ARHGAP23: variants seen among roughly 807,000 people sequenced by gnomAD.
The protein encoded by ARHGAP23 is rho GTPase-activating protein 23.
A neutral mutation model predicts 136.3 loss-of-function variants in ARHGAP23; 34 were observed. The observed-to-expected ratio is 0.25, with a 90% CI of 0.19 to 0.33. ARHGAP23 has a LOEUF of 0.33. Among genes scored for constraint, ARHGAP23 ranks in the 10% least tolerant of loss-of-function variants. The pLI is 1.00. For synonymous variants in ARHGAP23, 832 were observed against 920.5 expected, an observed-to-expected ratio of 0.90 and a Z score of 1.74; for missense variants, 1,808 against 2,139.0, an observed-to-expected ratio of 0.85 and a Z score of 3.05.
chr17:38,423,423 G>C (rs1245678655), intron 1 of ARHGAP23, among the ~76,000 whole-genome samples: 1 of 151,726 alleles, frequency 6.6e-6, no homozygotes, highest in Non-Finnish European at 1.5e-5. Context: ...CCAGGCAAGA[G>C]TGCAGTGGCA....
intron 1 of ARHGAP23, among the ~76,000 whole-genome samples, chr17:38,423,174 G>A (rs6416915): frequency 0.058 from 8,833 of 151,988 alleles, 301 homozygotes; most frequent in Middle Eastern, 0.22. Context: ...ACAGCAGTTT[G>A]CATGTACTAG....
At chr17:38,422,128 G>A (rs74631998) in intron 1 of ARHGAP23, among the ~76,000 whole-genome samples, 4,022 of 152,296 alleles carry the variant, frequency 0.026, 170 homozygotes, top group African/African-American at 0.091. Flanking sequence ...GGGATCATTC[G>A]ATAGAAAGAG....
chr17:38,480,439 C>T (rs1336819834), intron 14 of ARHGAP23, among the ~76,000 whole-genome samples: 1 of 152,146 alleles, frequency 6.6e-6, no homozygotes, highest in Non-Finnish European at 1.5e-5. Context: ...CGAGACCATC[C>T]TGGCTAACAC....
chr17:38,447,240 G>A (rs1439337591), intron 1 of ARHGAP23, among the ~76,000 whole-genome samples: 1 of 151,988 alleles, frequency 6.6e-6, no homozygotes, highest in African/African-American at 2.4e-5. Flanking sequence ...TCAGGAGTTC[G>A]AGATTAGCCT....
intron 1 of ARHGAP23, among the ~76,000 whole-genome samples, chr17:38,421,459 A>G (rs543838713): frequency 4.6e-5 from 7 of 152,276 alleles, no homozygotes; most frequent in African/African-American, 1.7e-4. Flanking sequence ...CGTGGTGTGT[A>G]TGGAGTGCGT....
chr17:38,467,036 G>C lies in ARHGAP23; in HGVS notation c.1353G>C (p.Leu451=), dbSNP rs1019752467. Residue 451 remains leucine (L), a synonymous_variant, in exon 7 of 24, where the codon CTG becomes CTC. Transcript: ENST00000622683. ...SPFGGLPTFN[L]AQSPASFPPE... ...TTGGGGGGCTGCCTACCTTCAACCT[G>C]GCCCAGTCCCCTGCGTCATTCCCAC... 2 of 1,550,890 alleles carry C rather than the reference G, an allele frequency of 1.3e-6. No homozygotes were observed. The highest frequency in any genetic ancestry group is 8.7e-7 in the Non-Finnish European group (1 of 1,146,964).
intron 23 of ARHGAP23, among the ~76,000 whole-genome samples, chr17:38,502,071 G>C (rs1412033986): frequency 6.6e-6 from 1 of 152,130 alleles, no homozygotes; most frequent in East Asian, 1.9e-4. Context: ...CACTTTGGGA[G>C]GCTGAGGTCG....
Position 38,466,611 on chromosome 17 carries a change from C to A in ARHGAP23, c.928C>A (p.Pro310Thr). Reference sequence around the variant, plus strand: ...GGAGAGACGGTGCCCAGCCATGGCCCCCCGGGCCCGCAGCGCCTCCCAGGA... The same window carrying A: ...GGAGAGACGGTGCCCAGCCATGGCCACCCGGGCCCGCAGCGCCTCCCAGGA... ...AGERRCPAMA[P>T]RARSASQDRL... The change falls in exon 7 of 24, where the codon CCC (proline) becomes ACC (threonine). Residue 310 changes from proline (P) to threonine (T), a missense_variant. Transcript: ENST00000622683. 6.6e-7 allele frequency: 1 copy of A among 1,513,374 alleles called. No individual in the cohort carries two copies. Among genetic ancestry groups the A allele is most frequent in the Non-Finnish European group, 8.8e-7 (1 of 1,135,854 alleles). 93.7% of individuals were successfully genotyped at this position (1,513,374 alleles called of 1,614,324 possible).
At chr17:38,464,089 C>T (rs535264139) in intron 6 of ARHGAP23, among the ~76,000 whole-genome samples, 30 of 152,294 alleles carry the variant, frequency 2.0e-4, no homozygotes, top group African/African-American at 3.9e-4. Context: ...ACACCCACGC[C>T]GCACTATCAC....
chr17:38,458,412 G>C (rs1418551573), intron 2 of ARHGAP23, 149 bp downstream of exon 2: 3 of 1,160,712 alleles, frequency 2.6e-6, no homozygotes, highest in Non-Finnish European at 3.5e-6. Flanking sequence ...CTGTGGCCTG[G>C]GGAGGAGGAC....
At chr17:38,507,385 A>G (rs2040658455) in intron 23 of ARHGAP23, among the ~76,000 whole-genome samples, 1 of 151,898 alleles carries the variant, frequency 6.6e-6, no homozygotes, top group South Asian at 2.1e-4. Flanking sequence ...GGTGACAGAG[A>G]CCTCCATCAT....
intron 3 of ARHGAP23, among the ~76,000 whole-genome samples, chr17:38,461,665 CG>C (rs2039463693): frequency 2.0e-5 from 3 of 151,672 alleles, no homozygotes; most frequent in Non-Finnish European, 2.9e-5. Flanking sequence ...GGGTGCAATG[CG>C]ATTTGTGCCC....
intron 1 of ARHGAP23, among the ~76,000 whole-genome samples, chr17:38,428,944 C>T (rs1410587040): frequency 6.7e-6 from 1 of 149,050 alleles, no homozygotes; most frequent in African/African-American, 2.5e-5. Context: ...TTTCCGTTGG[C>T]GAGGCCCCGG....
rs893406216 is a variant in ARHGAP23 at position 38,510,225 on chromosome 17, G to C, written c.3729G>C (p.Thr1243=). 13 of 1,377,932 alleles carry C rather than the reference G, an allele frequency of 9.4e-6. No homozygotes were observed. The African/African-American group carries it at 1.9e-4, about 21-fold the overall frequency. The allele number at this position is 1,377,932 out of a possible 1,614,324, so 85.4% of individuals were successfully genotyped here. Residue 1243 remains threonine, a synonymous_variant, in exon 24 of 24, where the codon ACG becomes ACC. Transcript: ENST00000622683. The surrounding 1 kb of genome is among the most constrained non-coding windows in gnomAD (Gnocchi z 4.6). ...AAPEERPAAD[T]RSIVSGYSTL... ...CGGAGGAGCGGCCGGCCGCGGACACGCGCTCCATTGTGTCGGGCTACTCCA... is the reference window on the plus strand; with the variant it reads ...CGGAGGAGCGGCCGGCCGCGGACACCCGCTCCATTGTGTCGGGCTACTCCA...
chr17:38,470,950 T>G (rs1333551260), intron 10 of ARHGAP23, among the ~76,000 whole-genome samples: 13 of 151,086 alleles, frequency 8.6e-5, no homozygotes, highest in Admixed American at 7.2e-4. Context: ...ATGCATGATT[T>G]TTCTTTCTTT....
At chr17:38,449,263 C>T (rs553540537) in intron 1 of ARHGAP23, among the ~76,000 whole-genome samples, 1 of 152,316 alleles carries the variant, frequency 6.6e-6, no homozygotes, top group South Asian at 2.1e-4. Context: ...GAGCACAGTC[C>T]ATCCTAACCC....
At chr17:38,504,515 C>T (rs1261194473) in intron 23 of ARHGAP23, among the ~76,000 whole-genome samples, 1 of 152,220 alleles carries the variant, frequency 6.6e-6, no homozygotes, top group Non-Finnish European at 1.5e-5. Context: ...CGGACATTCA[C>T]GACTGCCAGC....
intron 7 of ARHGAP23, among the ~76,000 whole-genome samples, chr17:38,467,800 T>C (rs1323205293): frequency 3.9e-5 from 6 of 152,246 alleles, no homozygotes; most frequent in Admixed American, 3.9e-4. Context: ...CATCTTTCTT[T>C]CCTTTGACTC....
chr17:38,428,254 C>T (rs2038598977), upstream of ARHGAP23, among the ~76,000 whole-genome samples: 1 of 151,992 alleles, frequency 6.6e-6, no homozygotes, highest in African/African-American at 2.4e-5. Flanking sequence ...AGCTCTCAGG[C>T]AGCGCTCGCC....
Sources: gnomAD v4.1 joint callset for allele counts (sites outside exome capture counted in the v4.1 genomes callset) on GRCh38, gnomAD v4.1.1 for gene constraint, Gnocchi (gnomAD v3.1) non-coding constraint, MANE v1.5 for transcripts, NCBI Gene and HGNC (gene_info 2026-07-23, HGNC 2026-07-21) for gene names.